CCDC88A: variants seen among roughly 807,000 people sequenced by gnomAD.
The protein encoded by CCDC88A is coiled-coil and HOOK domain protein 88A.
In CCDC88A, 54 loss-of-function variants were observed where a neutral mutation model predicts 234.3. The ratio of observed to expected loss-of-function variants is 0.23; its 90% CI spans 0.19 to 0.29. The LOEUF is 0.29. CCDC88A is among the 10% of genes least tolerant of loss of function. The pLI, the probability that CCDC88A is intolerant of heterozygous loss-of-function variation, is 1.00. For synonymous variants in CCDC88A, 753 were observed against 737.8 expected (o/e 1.02, Z -0.33); for missense variants, 1,832 against 2,123.4 (o/e 0.86, Z 2.70).
intron 11 of CCDC88A, chr2:55,343,996 T>C: frequency 2.3e-6 from 1 of 429,910 alleles, no homozygotes; most frequent in Admixed American, 4.1e-5. Flanking sequence ...AGCTGATCTT[T>C]GGGGACACAA....
chr2:55,325,888 A>G (rs907795018), intron 17 of CCDC88A, among the ~76,000 whole-genome samples: 6 of 152,178 alleles, frequency 3.9e-5, no homozygotes, highest in Non-Finnish European at 8.8e-5. Flanking sequence ...CTTAGCTCTG[A>G]TGCTATTTAC....
chr2:55,418,627 G>A (rs1362261338), intron 2 of CCDC88A, 189 bp downstream of exon 2: 17 of 585,676 alleles, frequency 2.9e-5, no homozygotes, highest in Non-Finnish European at 5.2e-5. Context: ...ATTTTAACAG[G>A]TAAAATATCT....
chr2:55,403,398 C>G (rs1388343695), intron 2 of CCDC88A: 1 of 152,182 alleles, frequency 6.6e-6, no homozygotes, highest in Non-Finnish European at 1.5e-5. Context: ...CAAGACCCAA[C>G]AAAATAACTT....
intron 2 of CCDC88A, among the ~76,000 whole-genome samples, chr2:55,400,036 G>T (rs1018295347): frequency 3.3e-5 from 5 of 152,080 alleles, no homozygotes; most frequent in African/African-American, 4.8e-5. Flanking sequence ...GCTCTAAAAA[G>T]AAATGTAGTC....
chr2:55,418,584 A>G (rs771527409), intron 2 of CCDC88A: 5 of 562,188 alleles, frequency 8.9e-6, no homozygotes, highest in Non-Finnish European at 1.3e-5. Context: ...GTGACAATAC[A>G]TGGTTGACAG....
At chr2:55,342,502 G>T (rs1029721210) in intron 12 of CCDC88A, among the ~76,000 whole-genome samples, 2 of 152,108 alleles carry the variant, frequency 1.3e-5, no homozygotes, top group African/African-American at 4.8e-5. Flanking sequence ...AACAAGTAAG[G>T]AAACTCTTAA....
At position 55,296,543 on chromosome 2, in the gene CCDC88A, G is replaced by A. The variant is rs781581101; in HGVS notation, c.4826-20C>T. 42 of 1,604,952 alleles carry A rather than the reference G, an allele frequency of 2.6e-5. 1 individual carries two copies. Among genetic ancestry groups the A allele is most frequent in the Admixed American group, 6.9e-5 (4 of 58,254 alleles). ...CACCTGCTTTTGGAGTAAATGGGGT[G>A]TTGAGATTTCAATAATAGAATTGAG... On this transcript the variant is annotated intron_variant, in intron 29 of 32. Coordinates refer to ENST00000436346, the MANE Select transcript of CCDC88A (RefSeq NM_001365480.1).
chr2:55,419,258 C>G lies in CCDC88A; in HGVS notation c.-179G>C. 1.7e-6 allele frequency: 1 copy of G among 573,018 alleles called. No individual in the cohort carries two copies. Among genetic ancestry groups the G allele is most frequent in the Non-Finnish European group, 3.1e-6 (1 of 321,754 alleles). 35.5% of individuals were successfully genotyped at this position (573,018 alleles called of 1,614,324 possible). On this transcript the variant is annotated 5_prime_UTR_variant, in exon 1 of 33. Coordinates refer to ENST00000436346, the MANE Select transcript of CCDC88A (RefSeq NM_001365480.1). ...AAAAACACCCCAGAGTGAAACGAGC[C>G]GAAATCCCAAGAAGTGGCTTCGACG...
In CCDC88A at chr2:55,309,086, AG is replaced by A; in HGVS notation, c.4173-64del. 1 of 1,468,864 alleles carries A rather than the reference AG, an allele frequency of 6.8e-7. No homozygotes were observed. Among genetic ancestry groups the A allele is most frequent in the Non-Finnish European group, 9.5e-7 (1 of 1,053,932 alleles). The allele number at this position is 1,468,864 out of a possible 1,614,324, so 91.0% of individuals were successfully genotyped here. On this transcript the variant is annotated intron_variant, in intron 24 of 32. Transcript: ENST00000436346. This position sits in a 1 kb window ranked among gnomAD's most constrained non-coding sequence, Gnocchi z 5.1. Reference sequence around the variant, plus strand: ...CAACATACAAATCCTTCACAAAAGTAGAAGTCATCACAATATTAGAAATAAC... The same window carrying A: ...CAACATACAAATCCTTCACAAAAGTAAAGTCATCACAATATTAGAAATAAC...
At chr2:55,336,638 A>G (rs1685491964) in intron 14 of CCDC88A, 43 bp downstream of exon 14, 1 of 1,274,870 alleles carries the variant, frequency 7.8e-7, no homozygotes, top group Admixed American at 2.6e-5. Flanking sequence ...TTTTGCTAAT[A>G]AATTTTAAAA....
At chr2:55,402,597 G>A (rs1375335387) in intron 2 of CCDC88A, among the ~76,000 whole-genome samples, 1 of 151,974 alleles carries the variant, frequency 6.6e-6, no homozygotes, top group Admixed American at 6.6e-5. Flanking sequence ...ACGTTCAATG[G>A]ATCTTTTAAC....
intron 29 of CCDC88A, 100 bp from the exon 30 acceptor site, chr2:55,296,623 G>T: frequency 8.8e-7 from 1 of 1,131,780 alleles, no homozygotes; most frequent in Non-Finnish European, 1.3e-6. Flanking sequence ...TATATGAACA[G>T]CCAAATTTAC....
chr2:55,314,771 T>C (rs1682779947), intron 22 of CCDC88A: 1 of 152,228 alleles, frequency 6.6e-6, no homozygotes, highest in Non-Finnish European at 1.5e-5. Context: ...TATGTTAAAC[T>C]AGCACCTGGA....
At chr2:55,370,123 G>A (rs763438448) in intron 5 of CCDC88A, among the ~76,000 whole-genome samples, 9 of 152,130 alleles carry the variant, frequency 5.9e-5, no homozygotes, top group Non-Finnish European at 1.2e-4. Context: ...GGGCTCTCAA[G>A]TAAAAGCATA....
chr2:55,360,771 A>G (rs1483200601), intron 7 of CCDC88A, among the ~76,000 whole-genome samples: 1 of 152,176 alleles, frequency 6.6e-6, no homozygotes, highest in Non-Finnish European at 1.5e-5. Flanking sequence ...CAAACATTTT[A>G]TACGCACCCA....
intron 25 of CCDC88A, chr2:55,305,969 G>C (rs1485031732): frequency 6.6e-6 from 1 of 152,000 alleles, no homozygotes; most frequent in Non-Finnish European, 1.5e-5. Context: ...AGGCTGGAGT[G>C]CAGTGGCGTG....
chr2:55,347,736 C>G (rs1194320150), intron 9 of CCDC88A, among the ~76,000 whole-genome samples: 1 of 150,978 alleles, frequency 6.6e-6, no homozygotes, highest in Non-Finnish European at 1.5e-5. Context: ...CTCCGCCTCC[C>G]AAGTAGCTGG....
chr2:55,401,488 G>A (rs867512188), intron 2 of CCDC88A, among the ~76,000 whole-genome samples: 1 of 22,604 alleles, frequency 4.4e-5, no homozygotes, highest in East Asian at 6.1e-4. Context: ...GTATGTATGT[G>A]TGTGTGTATA....
chr2:55,308,767 G>T, intron 25 of CCDC88A, 42 bp downstream of exon 25: 1 of 1,450,316 alleles, frequency 6.9e-7, no homozygotes, highest in Non-Finnish European at 9.6e-7. Flanking sequence ...CTTTAGAAAG[G>T]ATTCTAAATC....
Sources: gnomAD v4.1 joint callset for allele counts (sites outside exome capture counted in the v4.1 genomes callset) on GRCh38, gnomAD v4.1.1 for gene constraint, Gnocchi (gnomAD v3.1) non-coding constraint, MANE v1.5 for transcripts, NCBI Gene and HGNC (gene_info 2026-07-23, HGNC 2026-07-21) for gene names.